The following CDH18 variants were observed in gnomAD, a reference collection of about 807,000 sequenced individuals.
CDH18 encodes the protein cadherin 18.
In CDH18, 31 loss-of-function variants were observed where a neutral mutation model predicts 67.9. That is an observed-to-expected ratio of 0.46 (90% confidence interval 0.34 to 0.62). The LOEUF (loss-of-function observed/expected upper bound fraction) is 0.62. Ranked by LOEUF, CDH18 falls within the 20% of genes least tolerant of loss-of-function variation. The pLI is 0.01. For synonymous variants in CDH18, 362 were observed against 347.2 expected (o/e 1.04, Z -0.48); for missense variants, 890 against 975.5 (o/e 0.91, Z 1.17).
chr5:19,675,141 G>A (rs1241591881), intron 5 of CDH18, among the ~76,000 whole-genome samples: 2 of 152,042 alleles, frequency 1.3e-5, no homozygotes, highest in African/African-American at 4.8e-5. Flanking sequence ...GGGAGTGTAC[G>A]AATAGGGTGT....
intron 2 of CDH18, among the ~76,000 whole-genome samples, chr5:19,960,824 C>T (rs1299272312): frequency 6.7e-6 from 1 of 149,112 alleles, no homozygotes; most frequent in Non-Finnish European, 1.5e-5. Context: ...CACACGCACA[C>T]AAATATACAT....
intron 2 of CDH18, among the ~76,000 whole-genome samples, chr5:19,856,564 T>C (rs1474472976): frequency 1.3e-5 from 2 of 152,146 alleles, no homozygotes; most frequent in Non-Finnish European, 2.9e-5. Flanking sequence ...AAATCTCCAG[T>C]ACCTCCGAAT....
chr5:19,573,652 A>G, intron 7 of CDH18, among the ~76,000 whole-genome samples: 1 of 152,080 alleles, frequency 6.6e-6, no homozygotes, highest in Admixed American at 6.5e-5. Flanking sequence ...CTTTACATTA[A>G]CAAGTGAGAA....
chr5:20,193,711 G>A (rs1252955739), intron 2 of CDH18, among the ~76,000 whole-genome samples: 1 of 152,044 alleles, frequency 6.6e-6, no homozygotes, highest in Non-Finnish European at 1.5e-5. Flanking sequence ...ATAAAATACT[G>A]GCAAACTGAA....
At chr5:20,195,600 CTTTAT>C (rs1234749726) in intron 2 of CDH18, among the ~76,000 whole-genome samples, 2 of 151,922 alleles carry the variant, frequency 1.3e-5, no homozygotes, top group African/African-American at 4.8e-5. Flanking sequence ...TATCAAAATA[CTTTAT>C]TTTAGTAGGT....
At position 19,746,982 on chromosome 5, in the gene CDH18, A is replaced by G. The variant is rs373745869; in HGVS notation, c.483T>C (p.Asp161=). The G allele has an allele frequency of 5.1e-5, 82 of 1,614,006 alleles. No homozygotes were observed. The highest frequency in any genetic ancestry group is 6.4e-5 in the Non-Finnish European group (75 of 1,180,016). The change falls in exon 4 of 13, where the codon GAT becomes GAC. Residue 161 remains aspartate (D), a synonymous_variant. Transcript: ENST00000382275. ...CAGGCACAGTAACAATGTATGGTCC[A>G]TCTGTGAATTTTGGAGCGTTGTCAT... ...DINDNAPKFT[D]GPYIVTVPEM...
chr5:20,519,041 AC>A (rs1755554756), intron 1 of CDH18, among the ~76,000 whole-genome samples: 1 of 152,016 alleles, frequency 6.6e-6, no homozygotes, highest in Non-Finnish European at 1.5e-5. Flanking sequence ...AATGCTCAAT[AC>A]CCCCAGCCTG....
chr5:20,030,803 T>C (rs1249877096), intron 2 of CDH18, among the ~76,000 whole-genome samples: 1 of 152,110 alleles, frequency 6.6e-6, no homozygotes, highest in Admixed American at 6.6e-5. Context: ...GTGGATTTTA[T>C]AAGACCAGCT....
In CDH18 at chr5:19,571,667, G is replaced by A; in HGVS notation, c.1165C>T (p.Leu389Phe). 1.2e-6 allele frequency: 2 copies of A among 1,613,424 alleles called. No homozygotes were observed. The highest frequency in any genetic ancestry group is 1.1e-5 in the South Asian group (1 of 91,048). Residue 389 changes from leucine to phenylalanine, a missense_variant, in exon 8 of 13, where the codon CTC becomes TTC. This residue lies in a region of CDH18 where 656 missense variants were observed against 668.1 expected (regional missense o/e 0.98). Coordinates refer to ENST00000382275, the MANE Select transcript of CDH18 (RefSeq NM_004934.5). ...EPPLFSMPSY[L>F]MEVYENAKIG... ...TTGGCATTTTCGTAGACTTCCATGA[G>A]GTAGGAAGGCATGGAAAATAGTGGT...
chr5:20,302,041 A>G (rs1735981962), intron 1 of CDH18, among the ~76,000 whole-genome samples: 1 of 145,730 alleles, frequency 6.9e-6, no homozygotes, highest in South Asian at 2.1e-4. Flanking sequence ...CACAGGTTTT[A>G]AGAAAAAAAA....
intron 1 of CDH18, among the ~76,000 whole-genome samples, chr5:20,522,936 T>G (rs1755832826): frequency 6.6e-6 from 1 of 152,224 alleles, no homozygotes; most frequent in Non-Finnish European, 1.5e-5. Context: ...ATGATTATTA[T>G]GCAACCAATG....
At chr5:20,448,052 C>T (rs912007101) in intron 1 of CDH18, among the ~76,000 whole-genome samples, 6 of 151,978 alleles carry the variant, frequency 3.9e-5, no homozygotes, top group African/African-American at 1.5e-4. Flanking sequence ...TCCGTCCCCT[C>T]TCCCCCCACC....
At chr5:20,544,015 T>C (rs552632004) in intron 1 of CDH18, among the ~76,000 whole-genome samples, 8 of 152,202 alleles carry the variant, frequency 5.3e-5, no homozygotes, top group African/African-American at 1.9e-4. Context: ...ATGTAATGAG[T>C]TGTTGAATTT....
chr5:20,304,029 A>C (rs1736186434), intron 1 of CDH18: 2 of 1,459,500 alleles, frequency 1.4e-6, no homozygotes, highest in African/African-American at 1.4e-5. Context: ...ATAATTCCGC[A>C]GCCGACTTCG....
chr5:19,646,732 A>C (rs1754797954), intron 5 of CDH18, among the ~76,000 whole-genome samples: 1 of 152,212 alleles, frequency 6.6e-6, no homozygotes, highest in African/African-American at 2.4e-5. Flanking sequence ...AAAAATACTG[A>C]AGTTTTCTTC....
chr5:19,898,640 A>AATTAAGAAGAG (rs1160581136), intron 2 of CDH18, among the ~76,000 whole-genome samples: 1 of 152,056 alleles, frequency 6.6e-6, no homozygotes, highest in Non-Finnish European at 1.5e-5. Context: ...AATAAGAAGA[A>AATTAAGAAGAG]ATTATATGTG....
intron 1 of CDH18, among the ~76,000 whole-genome samples, chr5:20,559,283 T>G (rs1758075633): frequency 6.6e-6 from 1 of 152,072 alleles, no homozygotes; most frequent in African/African-American, 2.4e-5. Context: ...TCTAATAGTG[T>G]GATGACAACT....
intron 4 of CDH18, among the ~76,000 whole-genome samples, chr5:19,730,497 T>A (rs1767447174): frequency 6.6e-6 from 1 of 152,232 alleles, no homozygotes; most frequent in African/African-American, 2.4e-5. Context: ...AATTTGCATA[T>A]ACATAATGAG....
At chr5:19,699,315 C>T (rs899769060) in intron 5 of CDH18, among the ~76,000 whole-genome samples, 5 of 152,088 alleles carry the variant, frequency 3.3e-5, no homozygotes, top group Admixed American at 6.6e-5. Flanking sequence ...GTTAGAGTTT[C>T]CAAACTATAT....
Sources: gnomAD v4.1 joint callset for allele counts (sites outside exome capture counted in the v4.1 genomes callset) on GRCh38, gnomAD v4.1.1 for gene constraint, gnomAD v4.1.1 regional missense constraint, MANE v1.5 for transcripts, NCBI Gene and HGNC (gene_info 2026-07-23, HGNC 2026-07-21) for gene names.